Variants in NDUFS4 observed in about 807,000 individuals in gnomAD.
NDUFS4 encodes NADH:ubiquinone oxidoreductase subunit S4.
NDUFS4 carries 28 observed loss-of-function variants against 24.3 expected under a neutral mutation model. That is an observed-to-expected ratio of 1.15 (90% CI 0.85 to 1.58). NDUFS4 has a LOEUF of 1.58. Among genes scored for constraint, NDUFS4 ranks in the 40% most tolerant of loss-of-function variants. NDUFS4 has a pLI of 0.00. For missense variants in NDUFS4, 223 were observed against 207.9 expected, an observed-to-expected ratio of 1.07 and a Z score of -0.45; for synonymous variants, 93 against 69.7, an observed-to-expected ratio of 1.34 and a Z score of -1.67.
intron 1 of NDUFS4, 25 bp from the exon 2 acceptor site, chr5:53,603,427 T>C (rs1465359935): frequency 2.5e-6 from 4 of 1,599,346 alleles, no homozygotes; most frequent in African/African-American, 2.7e-5. Context: ...TGGATCCTTT[T>C]TTAACTTAAA....
At chr5:53,632,354 T>C (rs766478353) in intron 2 of NDUFS4, among the ~76,000 whole-genome samples, 79 of 152,304 alleles carry the variant, frequency 5.2e-4, no homozygotes, top group Admixed American at 1.1e-3. Context: ...AGAGTTGCTC[T>C]TCTTCTTACG....
intron 4 of NDUFS4, among the ~76,000 whole-genome samples, chr5:53,682,522 A>ATAGAT (rs1449289904): frequency 2.0e-5 from 3 of 151,744 alleles, no homozygotes; most frequent in East Asian, 3.9e-4. Context: ...ATTAGTGCAG[A>ATAGAT]TAGATAGCCA....
chr5:53,677,656 A>G (rs1470768703), intron 4 of NDUFS4, among the ~76,000 whole-genome samples: 1 of 152,212 alleles, frequency 6.6e-6, no homozygotes, highest in Non-Finnish European at 1.5e-5. Flanking sequence ...AGCCAGATAT[A>G]ATATGGGTAC....
chr5:53,667,204 G>A lies in NDUFS4; in HGVS notation c.424+8580G>A, dbSNP rs571771503. ...GGGGAGGCCAGGCGCGGTGGCTCAC[G>A]CCTGTAATCCCAGCACTTTGGGAGG... is the stretch of plus-strand genomic sequence containing the variant. On this transcript the variant is annotated intron_variant, in intron 4 of 4. Transcript: ENST00000296684. Among the ~76,000 whole-genome samples the A allele has an allele frequency of 4.0e-5, 6 of 151,712 alleles. No individual in the cohort carries two copies. The East Asian group carries it at 7.9e-4, about 20-fold the overall frequency.
chr5:53,568,956 T>C (rs544679801), intron 1 of NDUFS4, among the ~76,000 whole-genome samples: 1 of 152,306 alleles, frequency 6.6e-6, no homozygotes, highest in South Asian at 2.1e-4. Context: ...TTTTCCTTTA[T>C]TCAGCCACTT....
In NDUFS4 at chr5:53,593,768, A is replaced by C. The variant is rs188546728; in HGVS notation, c.99-9684A>C. Reference sequence around the variant, plus strand: ...GTATTTTCATTTTCATTTAGTTCAAAATATTTTAAAATTTTTCTTGAGACT... The same window carrying C: ...GTATTTTCATTTTCATTTAGTTCAACATATTTTAAAATTTTTCTTGAGACT... On this transcript the variant is annotated intron_variant, in intron 1 of 4. Coordinates refer to ENST00000296684, the MANE Select transcript of NDUFS4 (RefSeq NM_002495.4). Among the ~76,000 whole-genome samples, 4 of 151,998 alleles carry C rather than the reference A, an allele frequency of 2.6e-5. No individual in the cohort carries two copies. In the East Asian group the frequency reaches 7.7e-4, roughly 29 times the overall value.
At chr5:53,569,195 T>G (rs1426195464) in intron 1 of NDUFS4, among the ~76,000 whole-genome samples, 1 of 152,150 alleles carries the variant, frequency 6.6e-6, no homozygotes, top group Non-Finnish European at 1.5e-5. Context: ...TGCATGAAAT[T>G]TATGACTTTT....
chr5:53,565,454 A>G lies in NDUFS4; in HGVS notation c.98+4694A>G, dbSNP rs866973490. 4.1e-4 allele frequency among the ~76,000 whole-genome samples: 62 copies of G among 152,302 alleles called. 1 individual carries two copies. Among genetic ancestry groups the G allele is most frequent in the African/African-American group, 1.3e-3 (56 of 41,562 alleles). ...ATTTTTGTTTATTTGTGTGTACTTC[A>G]TGGCATCTAGTGTAATGGCTTGCAT... On this transcript the variant is annotated intron_variant, in intron 1 of 4. Coordinates refer to ENST00000296684, the MANE Select transcript of NDUFS4 (RefSeq NM_002495.4).
intron 1 of NDUFS4, among the ~76,000 whole-genome samples, chr5:53,596,476 T>C (rs72751846): frequency 0.093 from 14,150 of 152,232 alleles, 784 homozygotes; most frequent in Middle Eastern, 0.13. Context: ...CCTTGACCTT[T>C]TATCTTTAAT....
At chr5:53,583,120 G>A (rs556197508) in intron 1 of NDUFS4, among the ~76,000 whole-genome samples, 68 of 152,006 alleles carry the variant, frequency 4.5e-4, no homozygotes, top group Non-Finnish European at 6.8e-4. Flanking sequence ...CTCATGATCC[G>A]CCCGCCTCGG....
chr5:53,619,097 G>A (rs1007800791), intron 2 of NDUFS4, among the ~76,000 whole-genome samples: 18 of 149,896 alleles, frequency 1.2e-4, no homozygotes, highest in African/African-American at 3.7e-4. Context: ...TTGGGCAACC[G>A]AGTGAGACTG....
intron 2 of NDUFS4, among the ~76,000 whole-genome samples, chr5:53,613,370 T>G (rs1192210448): frequency 1.3e-5 from 2 of 152,032 alleles, no homozygotes; most frequent in East Asian, 1.9e-4. Context: ...CTAAGTAGTA[T>G]TTCATTTTAC....
At chr5:53,574,508 C>T (rs1186741802) in intron 1 of NDUFS4, among the ~76,000 whole-genome samples, 1 of 152,098 alleles carries the variant, frequency 6.6e-6, no homozygotes, top group Admixed American at 6.6e-5. Flanking sequence ...ATGAAGAATA[C>T]TGATCTGTAG....
In NDUFS4 at chr5:53,617,248, C is replaced by G. The variant is rs1750868201; in HGVS notation, c.177+13718C>G. On this transcript the variant is annotated intron_variant, in intron 2 of 4. Transcript: ENST00000296684. ...CTTCATCTTAACTTTGACTGCACTT[C>G]CTCTTGTTCTGCCTCTCCTTTCCCC... Among the ~76,000 whole-genome samples the G allele has an allele frequency of 2.6e-5, 4 of 152,238 alleles. No individual in the cohort carries two copies. In the South Asian group the frequency reaches 8.3e-4, roughly 32 times the overall value.
At chr5:53,663,037 G>T (rs1193496023) in intron 4 of NDUFS4, among the ~76,000 whole-genome samples, 2 of 151,966 alleles carry the variant, frequency 1.3e-5, no homozygotes, top group East Asian at 3.9e-4. Flanking sequence ...GTTCTCGTTG[G>T]TTTCAAAGAA....
chr5:53,633,806 A>C (rs896514606), intron 2 of NDUFS4, among the ~76,000 whole-genome samples: 2 of 152,194 alleles, frequency 1.3e-5, no homozygotes, highest in Non-Finnish European at 2.9e-5. Context: ...GTGTGGTGTA[A>C]AAGGAAATCA....
intron 2 of NDUFS4, among the ~76,000 whole-genome samples, chr5:53,610,237 C>G (rs1157960989): frequency 6.6e-6 from 1 of 152,018 alleles, no homozygotes; most frequent in Non-Finnish European, 1.5e-5. Context: ...ATATTGTTGT[C>G]TCAGTGAATA....
intron 2 of NDUFS4, among the ~76,000 whole-genome samples, chr5:53,628,285 G>A (rs1445865708): frequency 6.6e-6 from 1 of 152,136 alleles, no homozygotes; most frequent in African/African-American, 2.4e-5. Context: ...TGGTTTGCTA[G>A]CATTTTATTG....
intron 1 of NDUFS4, among the ~76,000 whole-genome samples, chr5:53,594,872 T>TGTG (rs1750084814): frequency 2.0e-5 from 3 of 148,426 alleles, no homozygotes; most frequent in African/African-American, 7.4e-5. Flanking sequence ...ATGTCTGTGT[T>TGTG]TGTGTGTGTG....
Sources: allele counts gnomAD v4.1 joint callset (sites outside exome capture counted in the v4.1 genomes callset), GRCh38; gene constraint gnomAD v4.1.1; transcripts MANE v1.5; gene names NCBI Gene and HGNC (gene_info 2026-07-23, HGNC 2026-07-21).